The following SLU7 variants were observed in gnomAD, a reference collection of about 807,000 sequenced individuals.
SLU7 encodes the protein spliceosome associated SLU7.
In SLU7, 60 loss-of-function variants were observed where a neutral mutation model predicts 87.0. That is an observed-to-expected ratio of 0.69 (90% CI 0.56 to 0.86). The LOEUF is 0.86. SLU7 is among the 40% of genes least tolerant of loss of function. The pLI, the probability that SLU7 is intolerant of heterozygous loss-of-function variation, is 0.00. For missense variants in SLU7, 507 were observed against 686.6 expected, an observed-to-expected ratio of 0.74 and a Z score of 2.92; for synonymous variants, 197 against 222.0, an observed-to-expected ratio of 0.89 and a Z score of 1.00.
rs141723409 is a variant in SLU7, at chr5:160,406,481, A to T, written c.1274T>A (p.Ile425Asn). Residue 425 changes from isoleucine (I) to asparagine (N), a missense_variant, in exon 12 of 16, where the codon ATC becomes AAC. By Grantham distance (149) the Ile-to-Asn change is moderately radical. Coordinates refer to ENST00000297151, the MANE Select transcript of SLU7 (RefSeq NM_006425.5). Reference sequence around the variant, plus strand: ...TTTAGCACATACTGTGTGATTGTGGATCTTCACATCCTCCTCATACTTAGA... The same window carrying T: ...TTTAGCACATACTGTGTGATTGTGGTTCTTCACATCCTCCTCATACTTAGA... Reference protein sequence around the residue: ...ACSKYEEDVKIHNHTHIWGSY... With the variant: ...ACSKYEEDVKNHNHTHIWGSY... The T allele has an allele frequency of 1.3e-5, 21 of 1,609,236 alleles. No individual in the cohort carries two copies. The African/African-American group carries it at 2.1e-4, about 16-fold the overall frequency.
At chr5:160,408,222 T>A in intron 8 of SLU7, 107 bp downstream of exon 8, 1 of 1,304,096 alleles carries the variant, frequency 7.7e-7, no homozygotes, top group Non-Finnish European at 1.1e-6. Context: ...AAACCTTATC[T>A]TAGAATGACT....
Position 160,412,523 on chromosome 5 carries a change from T to TTAAAAAAAAAA in SLU7, c.571-5_571-4insTTTTTTTTTTA. The TTAAAAAAAAAA allele has an allele frequency of 1.2e-6, 1 of 826,880 alleles. No individual in the cohort carries two copies. The highest frequency in any genetic ancestry group is 2.9e-5 in the East Asian group (1 of 34,130). The allele number at this position is 826,880 out of a possible 1,614,324, so 51.2% of individuals were successfully genotyped here. On this transcript the variant is annotated splice_polypyrimidine_tract_variant and splice_region_variant and intron_variant, in intron 5 of 15. Coordinates refer to ENST00000297151, the MANE Select transcript of SLU7 (RefSeq NM_006425.5). ...GGGCTTTCAATGTTCGTTTTGCCTT[T>TTAAAAAAAAAA]AAAAAAAAAAAAAAGAAAGAAAGAA...
chr5:160,413,523 T>A lies in SLU7; in HGVS notation c.503A>T (p.Asp168Val). ...QLMFDYDGKR[D>V]RWNGYNPEEH... Reference sequence around the variant, plus strand: ...TTCTGGATTGTAGCCATTCCACCGATCCCTCTTCCCATCATAGTCAAACAT... The same window carrying A: ...TTCTGGATTGTAGCCATTCCACCGAACCCTCTTCCCATCATAGTCAAACAT... The change falls in exon 5 of 16, where the codon GAT (aspartate) becomes GTT (valine). Residue 168 changes from aspartate (D) to valine (V), a missense_variant. Physicochemically the swap from Asp to Val is radical, Grantham distance 152. Coordinates refer to ENST00000297151, the MANE Select transcript of SLU7 (RefSeq NM_006425.5). 6.2e-7 allele frequency: 1 copy of A among 1,614,010 alleles called. No homozygotes were observed. Among genetic ancestry groups the A allele is most frequent in the Admixed American group, 1.7e-5 (1 of 60,020 alleles).
intron 14 of SLU7, 45 bp from the exon 15 acceptor site, chr5:160,404,601 A>G (rs1338954501): frequency 3.7e-6 from 5 of 1,342,612 alleles, no homozygotes; most frequent in Non-Finnish European, 5.3e-6. Flanking sequence ...GTGAAAACAA[A>G]GCTCAGGTGC....
intron 15 of SLU7, 39 bp from the exon 16 acceptor site, chr5:160,403,503 A>T: frequency 1.3e-6 from 2 of 1,507,930 alleles, no homozygotes; most frequent in Non-Finnish European, 1.8e-6. Context: ...ACAGCTCTAC[A>T]TCAGATGTCT....
rs144239183 is a variant in SLU7, at chr5:160,407,881, C to G, written c.918-68G>C. ...GGAAAATTAATTCGTAAAACTGAAT[C>G]TGAATTAAAATGAACACCATCTATG... On this transcript the variant is annotated intron_variant, in intron 9 of 15. Coordinates refer to ENST00000297151, the MANE Select transcript of SLU7 (RefSeq NM_006425.5). This position sits in a 1 kb window ranked among gnomAD's most constrained non-coding sequence, Gnocchi z 4.2. 1,626 of 1,488,842 alleles carry G rather than the reference C, an allele frequency of 1.1e-3. 22 individuals carry two copies. In the African/African-American group the frequency reaches 0.021, roughly 19 times the overall value. The allele number at this position is 1,488,842 out of a possible 1,614,324, so 92.2% of individuals were successfully genotyped here.
chr5:160,403,119 T>C lies in SLU7; in HGVS notation c.*166A>G, dbSNP rs111692464. On this transcript the variant is annotated 3_prime_UTR_variant, in exon 16 of 16. Transcript: ENST00000297151. ...TCATGTGCCTCTTCTTCTTTTCTTG[T>C]TTCCTCAGTATGGAAAGGAGTGAAC... The C allele has an allele frequency of 2.4e-5, 10 of 418,420 alleles. No homozygotes were observed. The highest frequency in any genetic ancestry group is 1.2e-4 in the African/African-American group (6 of 49,030). 25.9% of individuals were successfully genotyped at this position (418,420 alleles called of 1,614,324 possible). A position where few individuals can be genotyped will look rare whatever the true frequency, so the allele number is the denominator to read the frequency against.
intron 12 of SLU7, chr5:160,406,221 T>G (rs1026915694): frequency 3.2e-5 from 10 of 314,758 alleles, no homozygotes; most frequent in Non-Finnish European, 5.2e-5. Context: ...TATGCACACA[T>G]ACAACTAGAC....
At chr5:160,403,537 C>A in intron 15 of SLU7, 73 bp from the exon 16 acceptor site, 1 of 1,299,522 alleles carries the variant, frequency 7.7e-7, no homozygotes, top group Non-Finnish European at 1.1e-6. Context: ...GGCAGAGTAC[C>A]AACACACCCC....
chr5:160,411,288 G>A (rs73316310), intron 6 of SLU7, among the ~76,000 whole-genome samples: 2,075 of 152,120 alleles, frequency 0.014, 47 homozygotes, highest in African/African-American at 0.048. Context: ...CTAGAGCACA[G>A]TGACGTGATC....
chr5:160,404,936 A>C (rs906812900), intron 13 of SLU7, 56 bp from the exon 14 acceptor site: 2 of 1,519,958 alleles, frequency 1.3e-6, no homozygotes, highest in African/African-American at 2.7e-5. Context: ...TCATCTAAGA[A>C]CAAGTTAAAA....
In SLU7 at chr5:160,413,898, C is replaced by T. The variant is rs1045004452; in HGVS notation, c.405+1G>A. 6.3e-6 allele frequency: 10 copies of T among 1,588,132 alleles called. No individual in the cohort carries two copies. Among genetic ancestry groups the T allele is most frequent in the Middle Eastern group, 1.7e-4 (1 of 5,998 alleles). On this transcript the variant is annotated splice_donor_variant, in intron 4 of 15. Transcript: ENST00000297151. LOFTEE classifies it high-confidence loss of function. ...TTCAAAATTTTCAAAGGTGAACTTACCTCAAAGCAGTCTTTCTTTTTGTGT... is the reference window on the plus strand; with the variant it reads ...TTCAAAATTTTCAAAGGTGAACTTATCTCAAAGCAGTCTTTCTTTTTGTGT...
rs1554081764 is a variant in SLU7, at chr5:160,404,826, G to GT, written c.1446dup (p.Pro483ThrfsTer33). 6.2e-7 allele frequency: 1 copy of GT among 1,609,808 alleles called. No individual in the cohort carries two copies. On this transcript the variant is annotated frameshift_variant, in exon 14 of 16. Transcript: ENST00000297151. LOFTEE classifies it high-confidence loss of function. The stretch of plus-strand genomic sequence containing the variant: ...CAACTTACCTCCATGAGGGTTTGAG[G>GT]TTTTTTCACAGATTCTTCCCCAGTT...
Position 160,413,455 on chromosome 5 carries a change from C to T in SLU7, c.570+1G>A, listed in dbSNP as rs140220407. ...CCAGGAAAGCAGGGAATTTTGCTCA[C>T]CAAATCAACTTTGGCATACTCTTCA... is the stretch of plus-strand genomic sequence containing the variant. On this transcript the variant is annotated splice_donor_variant, in intron 5 of 15. Coordinates refer to ENST00000297151, the MANE Select transcript of SLU7 (RefSeq NM_006425.5). LOFTEE classifies it high-confidence loss of function. The T allele has an allele frequency of 6.2e-7, 1 of 1,612,902 alleles. No individual in the cohort carries two copies. Among genetic ancestry groups the T allele is most frequent in the Non-Finnish European group, 8.5e-7 (1 of 1,179,482 alleles).
intron 4 of SLU7, 61 bp from the exon 5 acceptor site, chr5:160,413,681 T>A: frequency 1.4e-6 from 2 of 1,443,018 alleles, no homozygotes; most frequent in South Asian, 1.3e-5. Flanking sequence ...GAAAACTTCA[T>A]ACAACTTTTA....
rs568476465 is a variant in SLU7, at chr5:160,404,751, G to C, written c.1464+58C>G. 2.4e-6 allele frequency: 3 copies of C among 1,233,722 alleles called. No individual in the cohort carries two copies. The African/African-American group carries it at 4.6e-5, about 19-fold the overall frequency. 76.4% of individuals were successfully genotyped at this position (1,233,722 alleles called of 1,614,324 possible). Reference sequence around the variant, plus strand: ...AAAGAAAAAAAAAAACTCAGGTGCAGGTTTTAAAGCCCTCCCTCCAGGACT... The same window carrying C: ...AAAGAAAAAAAAAAACTCAGGTGCACGTTTTAAAGCCCTCCCTCCAGGACT... On this transcript the variant is annotated intron_variant, in intron 14 of 15. Coordinates refer to ENST00000297151, the MANE Select transcript of SLU7 (RefSeq NM_006425.5).
rs1255879545 is a variant in SLU7, at chr5:160,404,411, A to C, written c.1581+29T>G. 3.1e-6 allele frequency: 4 copies of C among 1,307,768 alleles called. 1 individual carries two copies. The South Asian group carries it at 5.0e-5, about 16-fold the overall frequency. 81.0% of individuals were successfully genotyped at this position (1,307,768 alleles called of 1,614,324 possible). On this transcript the variant is annotated intron_variant, in intron 15 of 15. Transcript: ENST00000297151. ...AAAACAAAGAATACTGCTACTTGTC[A>C]CTTTTACTATTTAGACTTCACAAAT...
rs766344917 is a variant in SLU7, at chr5:160,407,528, T to C, written c.1073A>G (p.Lys358Arg). Residue 358 changes from lysine to arginine, a missense_variant, in exon 11 of 16, where the codon AAA becomes AGA. This residue lies in a region of SLU7 where 43 missense variants were observed against 58.4 expected (regional missense o/e 0.74). Coordinates refer to ENST00000297151, the MANE Select transcript of SLU7 (RefSeq NM_006425.5). The surrounding 1 kb of genome is among the most constrained non-coding windows in gnomAD (Gnocchi z 4.2). The part of the protein sequence containing the change: ...TKLELLYKSF[K>R]VKKEDFKEQQ... ...TTCTTTGAAATCTTCTTTTTTGACT[T>C]TGAAGGACTTATACAACAGCTCTAG... 1.2e-6 allele frequency: 2 copies of C among 1,613,424 alleles called. 1 individual carries two copies. The highest frequency in any genetic ancestry group is 2.2e-5 in the South Asian group (2 of 90,866).
intron 3 of SLU7, 142 bp from the exon 4 acceptor site, chr5:160,414,121 G>A: frequency 4.4e-6 from 3 of 681,018 alleles, no homozygotes; most frequent in South Asian, 2.7e-5. Flanking sequence ...ATTTATAAAT[G>A]TGAAACTTTA....
Sources: gnomAD v4.1 joint callset for allele counts (sites outside exome capture counted in the v4.1 genomes callset) on GRCh38, gnomAD v4.1.1 for gene constraint, gnomAD v4.1.1 regional missense constraint, Gnocchi (gnomAD v3.1) non-coding constraint, MANE v1.5 for transcripts, NCBI Gene and HGNC (gene_info 2026-07-23, HGNC 2026-07-21) for gene names.